Variants in GRIK1 observed in about 807,000 individuals in gnomAD.
GRIK1 encodes the protein glutamate ionotropic receptor kainate type subunit 1.
Under a neutral mutation model 105.7 loss-of-function variants are expected in GRIK1, and 69 were observed. That is an observed-to-expected ratio of 0.65 (90% CI 0.54 to 0.80). The LOEUF (loss-of-function observed/expected upper bound fraction) is 0.80. Among genes scored for constraint, GRIK1 ranks in the 30% least tolerant of loss-of-function variants. GRIK1 has a pLI of 0.00. For missense variants in GRIK1, 1,109 were observed against 1,167.3 expected, an observed-to-expected ratio of 0.95 and a Z score of 0.73; for synonymous variants, 438 against 431.3, an observed-to-expected ratio of 1.02 and a Z score of -0.19.
intron 1 of GRIK1, among the ~76,000 whole-genome samples, chr21:29,751,730 A>G (rs1443800915): frequency 1.3e-5 from 2 of 152,200 alleles, no homozygotes; most frequent in South Asian, 2.1e-4. Context: ...GGGAATCTGC[A>G]TATGTCCTGG....
intron 3 of GRIK1, among the ~76,000 whole-genome samples, chr21:29,682,227 C>T (rs1001017471): frequency 6.6e-6 from 1 of 152,222 alleles, no homozygotes; most frequent in Non-Finnish European, 1.5e-5. Flanking sequence ...TCTATTCCAT[C>T]ACCCTTTAGA....
chr21:29,869,531 T>C (rs779017949), intron 1 of GRIK1, among the ~76,000 whole-genome samples: 36 of 152,374 alleles, frequency 2.4e-4, no homozygotes, highest in Admixed American at 6.5e-4. Context: ...AAGTTCTTAC[T>C]ACCGGCATGA....
intron 1 of GRIK1, among the ~76,000 whole-genome samples, chr21:29,721,934 ACACT>A (rs2064333451): frequency 2.0e-5 from 3 of 152,320 alleles, no homozygotes; most frequent in African/African-American, 7.2e-5. Context: ...GGGTTGCATG[ACACT>A]CATGGGTACA....
At chr21:29,642,802 G>A (rs751807909) in intron 7 of GRIK1, 24 bp downstream of exon 7, 4 of 1,611,836 alleles carry the variant, frequency 2.5e-6, no homozygotes. Flanking sequence ...AAGGGCCCCT[G>A]GGCTGTGAGG....
At chr21:29,894,435 GA>G (rs2070030675) in intron 1 of GRIK1, among the ~76,000 whole-genome samples, 1 of 152,170 alleles carries the variant, frequency 6.6e-6, no homozygotes, top group African/African-American at 2.4e-5. Context: ...TCCAGCATGG[GA>G]GAAGGATGAA....
At chr21:29,699,615 C>T (rs566683684) in intron 1 of GRIK1, among the ~76,000 whole-genome samples, 101 of 151,536 alleles carry the variant, frequency 6.7e-4, no homozygotes, top group Non-Finnish European at 1.1e-3. Flanking sequence ...TTTGTTTTTA[C>T]AGCAAACCTA....
chr21:29,763,167 C>G (rs2065571510), intron 1 of GRIK1, among the ~76,000 whole-genome samples: 1 of 152,170 alleles, frequency 6.6e-6, no homozygotes, highest in Non-Finnish European at 1.5e-5. Context: ...GTGGTTCCCC[C>G]ATGCTGTTCT....
At chr21:29,861,559 C>T (rs1452172867) in intron 1 of GRIK1, 3 of 236,660 alleles carry the variant, frequency 1.3e-5, no homozygotes, top group South Asian at 3.9e-5. Context: ...CTGCCCTCTT[C>T]GGCCTCCCAA....
intron 5 of GRIK1, among the ~76,000 whole-genome samples, chr21:29,653,843 C>G (rs1468954826): frequency 6.6e-6 from 1 of 152,142 alleles, no homozygotes; most frequent in Non-Finnish European, 1.5e-5. Flanking sequence ...CCACTTCCAC[C>G]CTATGCTCAG....
intron 1 of GRIK1, among the ~76,000 whole-genome samples, chr21:29,798,367 G>A (rs1316470434): frequency 6.6e-6 from 1 of 152,166 alleles, no homozygotes; most frequent in African/African-American, 2.4e-5. Context: ...CGTACTCCAG[G>A]ATTATCGTTC....
At chr21:29,839,673 T>C (rs1311026594) in intron 1 of GRIK1, among the ~76,000 whole-genome samples, 1 of 152,102 alleles carries the variant, frequency 6.6e-6, no homozygotes, top group Admixed American at 6.5e-5. Context: ...CAGAAAGTGA[T>C]AGTCCCACTT....
rs184261943 is a variant in GRIK1 at position 29,542,595 on chromosome 21, G to A, written c.2608-4711C>T. On this transcript the variant is annotated intron_variant, in intron 16 of 17. Coordinates refer to ENST00000327783, the MANE Select transcript of GRIK1 (RefSeq NM_001330994.2). ...CAGTATTCAAAAAACTAGACTATAT[G>A]GAATTGACTTTCATACTGGTTGCAA... Among the ~76,000 whole-genome samples, 17 of 152,274 alleles carry A rather than the reference G, an allele frequency of 1.1e-4. No homozygotes were observed. The East Asian group carries it at 2.3e-3, about 21-fold the overall frequency.
intron 1 of GRIK1, among the ~76,000 whole-genome samples, chr21:29,845,645 T>C (rs74791982): frequency 0.02 from 2,978 of 152,352 alleles, 40 homozygotes; most frequent in Non-Finnish European, 0.031. Flanking sequence ...AATAAAGTTA[T>C]TTGTCTAACG....
At chr21:29,585,392 A>G (rs567009974) in intron 12 of GRIK1, among the ~76,000 whole-genome samples, 2 of 152,304 alleles carry the variant, frequency 1.3e-5, no homozygotes, top group African/African-American at 4.8e-5. Flanking sequence ...GTTGGAGTTA[A>G]GTGTAAAGGG....
At chr21:29,581,677 A>G in intron 12 of GRIK1, 134 bp from the exon 13 acceptor site, 1 of 599,032 alleles carries the variant, frequency 1.7e-6, no homozygotes. Context: ...AGTAAAGGCC[A>G]TAGTCATAAA....
intron 1 of GRIK1, among the ~76,000 whole-genome samples, chr21:29,915,706 A>T (rs1602037789): frequency 6.6e-6 from 1 of 152,008 alleles, no homozygotes. Context: ...ATCATGGTAC[A>T]GTTCCACAGA....
chr21:29,555,064 A>T lies in GRIK1; in HGVS notation c.2595T>A (p.Asn865Lys). 6.2e-7 allele frequency: 1 copy of T among 1,610,136 alleles called. No homozygotes were observed. Residue 865 changes from asparagine (N) to lysine (K), a missense_variant, in exon 16 of 18, where the codon AAT becomes AAA. By Grantham distance (94) the Asn-to-Lys change is moderately conservative. Around this residue, in one of 5 missense-constraint regions of GRIK1, gnomAD observed 161 missense variants for 143.4 expected, o/e 1.12. Coordinates refer to ENST00000327783, the MANE Select transcript of GRIK1 (RefSeq NM_001330994.2). ...AGAGATGACTCACCTGTTCAATATCATTATTCTTCCGTGATTTGTATATGA... is the reference window on the plus strand; with the variant it reads ...AGAGATGACTCACCTGTTCAATATCTTTATTCTTCCGTGATTTGTATATGA... ...GEFIYKSRKN[N>K]DIEQKGKSSR...
At chr21:29,570,171 A>G (rs1215493054) in intron 14 of GRIK1, among the ~76,000 whole-genome samples, 2 of 152,236 alleles carry the variant, frequency 1.3e-5, no homozygotes, top group East Asian at 3.9e-4. Context: ...ATTAATTAGT[A>G]TTATGTCAAG....
At chr21:29,817,009 G>A (rs562451217) in intron 1 of GRIK1, among the ~76,000 whole-genome samples, 27 of 152,194 alleles carry the variant, frequency 1.8e-4, no homozygotes, top group African/African-American at 6.3e-4. Context: ...TGATCATTAC[G>A]TATTGCATGC....
Sources: gnomAD v4.1 joint callset for allele counts (sites outside exome capture counted in the v4.1 genomes callset) on GRCh38, gnomAD v4.1.1 for gene constraint, gnomAD v4.1.1 regional missense constraint, MANE v1.5 for transcripts, NCBI Gene and HGNC (gene_info 2026-07-23, HGNC 2026-07-21) for gene names.